The following SH3GLB1 variants were observed in gnomAD, a reference collection of about 807,000 sequenced individuals.
SH3GLB1 encodes the protein endophilin-B1.
SH3GLB1 carries 17 observed loss-of-function variants against 42.0 expected under a neutral mutation model. The ratio of observed to expected loss-of-function variants is 0.40; its 90% confidence interval spans 0.28 to 0.61. The LOEUF is 0.61. SH3GLB1 is among the 20% of genes least tolerant of loss of function. SH3GLB1 has a pLI of 0.36. For missense variants in SH3GLB1, 355 were observed against 426.3 expected (o/e 0.83, Z 1.47); for synonymous variants, 132 against 146.6 (o/e 0.90, Z 0.72).
At chr1:86,742,161 G>A (rs1401022514) in intron 7 of SH3GLB1, 47 bp from the exon 8 acceptor site, 1 of 1,474,344 alleles carries the variant, frequency 6.8e-7, no homozygotes, top group Non-Finnish European at 9.5e-7. Context: ...GTATTAAGGA[G>A]CTTTAGTCAC....
chr1:86,714,360 CCAGCTA>C (rs1654390327), intron 1 of SH3GLB1, among the ~76,000 whole-genome samples: 1 of 152,168 alleles, frequency 6.6e-6, no homozygotes, highest in Admixed American at 6.5e-5. Context: ...GCCCAGTCCT[CCAGCTA>C]CACTGCAAGT....
intron 7 of SH3GLB1, among the ~76,000 whole-genome samples, chr1:86,736,969 T>TG (rs1558334013): frequency 1.3e-5 from 2 of 152,340 alleles, no homozygotes; most frequent in South Asian, 4.1e-4. Context: ...TGTTAATAGT[T>TG]GCAATAACAG....
At chr1:86,707,739 C>A (rs1653955659) in intron 1 of SH3GLB1, among the ~76,000 whole-genome samples, 1 of 150,222 alleles carries the variant, frequency 6.7e-6, no homozygotes, top group South Asian at 2.1e-4. Context: ...ACCTTCGCCT[C>A]CCCGATTCAA....
chr1:86,728,609 A>G (rs1655330859), intron 5 of SH3GLB1: 1 of 542,238 alleles, frequency 1.8e-6, no homozygotes, highest in African/African-American at 1.9e-5. Context: ...CAACAAAAAT[A>G]TAAGGAAAAA....
intron 5 of SH3GLB1, among the ~76,000 whole-genome samples, chr1:86,727,428 T>C (rs1488581977): frequency 6.6e-6 from 1 of 152,014 alleles, no homozygotes; most frequent in Admixed American, 6.5e-5. Context: ...ACAGGTTGAA[T>C]ATCCCAAATC....
chr1:86,706,955 A>T (rs1357564610), intron 1 of SH3GLB1, among the ~76,000 whole-genome samples: 5 of 152,236 alleles, frequency 3.3e-5, no homozygotes, highest in Non-Finnish European at 7.3e-5. Context: ...GCCATCAAAT[A>T]ATTTTCTTTT....
chr1:86,715,318 T>C (rs1654454422), intron 1 of SH3GLB1, among the ~76,000 whole-genome samples: 1 of 152,204 alleles, frequency 6.6e-6, no homozygotes. Flanking sequence ...AATACATTGC[T>C]CAGCTCACAC....
Position 86,748,039 on chromosome 1 carries a change from C to A in SH3GLB1, c.*4804C>A, listed in dbSNP as rs574129022. ...TGTTTTGTAACTTTTTTTCACTCAACAATACCATGACTGTCTTGCTGTGTC... is the reference window on the plus strand; with the variant it reads ...TGTTTTGTAACTTTTTTTCACTCAAAAATACCATGACTGTCTTGCTGTGTC... On this transcript the variant is annotated 3_prime_UTR_variant, in exon 9 of 9. Transcript: ENST00000370558. 29 of 152,244 alleles carry A rather than the reference C, an allele frequency of 1.9e-4. No homozygotes were observed. In the South Asian group the frequency reaches 6.0e-3, roughly 32 times the overall value. The allele number at this position is 152,244 out of a possible 1,614,324, so 9.4% of individuals were successfully genotyped here.
rs369632434 is a variant in SH3GLB1 at position 86,715,791 on chromosome 1, G to A, written c.140G>A (p.Ser47Asn). ...GATGCTCACTTAGAGAACCTCCTTA[G>A]CAAAGCTGAATGTACCAAAATATGG... ...ELDAHLENLLSKAECTKIWTE... is the reference protein window; with the variant it reads ...ELDAHLENLLNKAECTKIWTE... Residue 47 changes from serine (S) to asparagine (N), a missense_variant, in exon 2 of 9, where the codon AGC becomes AAC. Physicochemically the swap from Ser to Asn is conservative, Grantham distance 46. Transcript: ENST00000370558. The A allele has an allele frequency of 8.1e-6, 13 of 1,612,532 alleles. No homozygotes were observed. The highest frequency in any genetic ancestry group is 1.3e-5 in the African/African-American group (1 of 74,818).
intron 5 of SH3GLB1, among the ~76,000 whole-genome samples, chr1:86,728,729 T>C (rs899444698): frequency 1.2e-4 from 19 of 152,166 alleles, no homozygotes; most frequent in Non-Finnish European, 4.4e-5. Context: ...TACATAAATA[T>C]ATAGTGCCTT....
intron 7 of SH3GLB1, among the ~76,000 whole-genome samples, chr1:86,735,469 T>G (rs1245510262): frequency 6.6e-6 from 1 of 152,216 alleles, no homozygotes; most frequent in African/African-American, 2.4e-5. Context: ...CTTTTTGCTA[T>G]TGGTTGAGGA....
intron 7 of SH3GLB1, among the ~76,000 whole-genome samples, chr1:86,741,157 A>G (rs1387727900): frequency 6.6e-6 from 1 of 152,198 alleles, no homozygotes; most frequent in Non-Finnish European, 1.5e-5. Context: ...AAAGAGGAGT[A>G]TGGGAGATAA....
In SH3GLB1 at chr1:86,734,701, C is replaced by T. The variant is rs367887494; in HGVS notation, c.660+10C>T. The T allele has an allele frequency of 5.6e-6, 9 of 1,599,032 alleles. No homozygotes were observed. Among genetic ancestry groups the T allele is most frequent in the Non-Finnish European group, 7.7e-6 (9 of 1,168,184 alleles). ...AATCAGCAGTACACATGTGAGTATT[C>T]ATTCATTGGAAATTCATTTGGAACA... On this transcript the variant is annotated intron_variant, in intron 6 of 8. Transcript: ENST00000370558.
rs773104832 is a variant in SH3GLB1, at chr1:86,704,912, G to A, written c.13G>A (p.Asp5Asn). Reference protein sequence around the residue: MNIMDFNVKKLAADA... With the variant: MNIMNFNVKKLAADA... ...GCTGCCGCCTAGGATGAATATCATG[G>A]ACTTCAACGTGAAGAAGCTGGCGGC... Residue 5 changes from aspartate to asparagine, a missense_variant, in exon 1 of 9, where the codon GAC (aspartate) becomes AAC (asparagine). Physicochemically the swap from Asp to Asn is conservative, Grantham distance 23. Transcript: ENST00000370558. 5.0e-6 allele frequency: 8 copies of A among 1,584,888 alleles called. No homozygotes were observed. The highest frequency in any genetic ancestry group is 6.8e-6 in the Non-Finnish European group (8 of 1,168,014).
At chr1:86,720,451 A>G (rs963621512) in intron 3 of SH3GLB1, among the ~76,000 whole-genome samples, 1 of 152,114 alleles carries the variant, frequency 6.6e-6, no homozygotes, top group Admixed American at 6.5e-5. Context: ...TGTATTTCAA[A>G]TTTTCTATAG....
At chr1:86,724,272 T>G in intron 4 of SH3GLB1, 41 bp from the exon 5 acceptor site, 1 of 1,382,022 alleles carries the variant, frequency 7.2e-7, no homozygotes. Flanking sequence ...AACAGAATTT[T>G]AGCATCTTTA....
chr1:86,748,027 T>C lies in SH3GLB1; in HGVS notation c.*4792T>C, dbSNP rs570340708. The C allele has an allele frequency of 6.6e-6, 1 of 152,316 alleles. No homozygotes were observed. The highest frequency in any genetic ancestry group is 6.5e-5 in the Admixed American group (1 of 15,298). 9.4% of individuals were successfully genotyped at this position (152,316 alleles called of 1,614,324 possible). Reference sequence around the variant, plus strand: ...AAGTGTACATACTGTTTTGTAACTTTTTTTCACTCAACAATACCATGACTG... The same window carrying C: ...AAGTGTACATACTGTTTTGTAACTTCTTTTCACTCAACAATACCATGACTG... On this transcript the variant is annotated 3_prime_UTR_variant, in exon 9 of 9. Transcript: ENST00000370558.
At chr1:86,706,724 A>G (rs987800214) in intron 1 of SH3GLB1, among the ~76,000 whole-genome samples, 1 of 152,182 alleles carries the variant, frequency 6.6e-6, no homozygotes, top group African/African-American at 2.4e-5. Context: ...ACACTGTATA[A>G]TGCTACTCTT....
intron 3 of SH3GLB1, among the ~76,000 whole-genome samples, chr1:86,721,069 GGTTT>G (rs1242298764): frequency 6.6e-6 from 1 of 152,170 alleles, no homozygotes; most frequent in Non-Finnish European, 1.5e-5. Flanking sequence ...GGCTGAAGAA[GGTTT>G]TAGCAGAGCA....
Sources: allele counts gnomAD v4.1 joint callset (sites outside exome capture counted in the v4.1 genomes callset), GRCh38; gene constraint gnomAD v4.1.1; transcripts MANE v1.5; gene names NCBI Gene and HGNC (gene_info 2026-07-23, HGNC 2026-07-21).